Variants in NOD2 observed in about 807,000 individuals in gnomAD.
The protein encoded by NOD2 is nucleotide binding oligomerization domain containing 2, also known as nucleotide-binding oligomerization domain-containing protein 2.
In NOD2, 86 loss-of-function variants were observed where a neutral mutation model predicts 90.9. That is an observed-to-expected ratio of 0.95 (90% CI 0.79 to 1.13). NOD2 has a LOEUF of 1.13. Among genes scored for constraint, NOD2 ranks in the 50% most tolerant of loss-of-function variants. The pLI is 0.00. For synonymous variants in NOD2, 581 were observed against 554.6 expected (o/e 1.05, Z -0.67); for missense variants, 1,238 against 1,283.8 (o/e 0.96, Z 0.55).
At chr16:50,702,792 G>A (rs763667596) in intron 2 of NOD2, among the ~76,000 whole-genome samples, 1 of 152,172 alleles carries the variant, frequency 6.6e-6, no homozygotes, top group Admixed American at 6.5e-5. Flanking sequence ...TGCCCAAATC[G>A]CCCATCTGGG....
intron 4 of NOD2, among the ~76,000 whole-genome samples, chr16:50,715,207 G>C (rs1964728996): frequency 6.6e-6 from 1 of 152,206 alleles, no homozygotes; most frequent in Admixed American, 6.5e-5. Context: ...CACTTCGCTT[G>C]TCTGTGCCTC....
At chr16:50,707,778 T>C in intron 2 of NOD2, 77 bp from the exon 3 acceptor site, 1 of 956,294 alleles carries the variant, frequency 1.0e-6, no homozygotes. Flanking sequence ...GCTTATGAAG[T>C]TGCAGTAATC....
In NOD2 at chr16:50,712,422, G is replaced by A. The variant is rs773046377; in HGVS notation, c.2381+49G>A. The A allele has an allele frequency of 2.9e-5, 47 of 1,607,836 alleles. No individual in the cohort carries two copies. In the Admixed American group the frequency reaches 3.5e-4, roughly 12 times the overall value. The stretch of plus-strand genomic sequence containing the variant: ...TTCAGGTATGGGGGAGCACCATCAA[G>A]GCTAAGTGTGGGAGCACCGAGCTGG... On this transcript the variant is annotated intron_variant, in intron 4 of 11. Coordinates refer to ENST00000647318, the MANE Select transcript of NOD2 (RefSeq NM_001370466.1).
chr16:50,725,414 A>T, intron 9 of NOD2, 75 bp from the exon 10 acceptor site: 1 of 1,128,296 alleles, frequency 8.9e-7, no homozygotes, highest in Non-Finnish European at 1.4e-6. Flanking sequence ...GATTTCCTAT[A>T]TGGGGGGCAT....
chr16:50,718,189 G>A (rs529349765), intron 6 of NOD2, among the ~76,000 whole-genome samples: 6 of 152,350 alleles, frequency 3.9e-5, no homozygotes, highest in Admixed American at 6.5e-5. Context: ...GAGGAAGTGA[G>A]GTGGATGACG....
chr16:50,721,094 C>T (rs754061783), intron 7 of NOD2, among the ~76,000 whole-genome samples: 2 of 150,514 alleles, frequency 1.3e-5, no homozygotes, highest in African/African-American at 2.5e-5. Flanking sequence ...TGTGAGCCAC[C>T]GCACCCGGCC....
At chr16:50,694,417 A>G (rs2150771652) in intron 1 of NOD2, among the ~76,000 whole-genome samples, 1 of 152,260 alleles carries the variant, frequency 6.6e-6, no homozygotes, top group East Asian at 1.9e-4. Flanking sequence ...CACCACCTGT[A>G]CTTGCCTGTC....
intron 6 of NOD2, among the ~76,000 whole-genome samples, chr16:50,719,515 A>C (rs1382811933): frequency 6.6e-6 from 1 of 151,916 alleles, no homozygotes; most frequent in Admixed American, 6.6e-5. Flanking sequence ...GCTCTTGTGC[A>C]ACAGGTAAAG....
At position 50,699,662 on chromosome 16, in the gene NOD2, A is replaced by G; in HGVS notation, c.167A>G (p.His56Arg). The change falls in exon 2 of 12, where the codon CAC becomes CGC. Residue 56 changes from histidine (H) to arginine (R), a missense_variant. Transcript: ENST00000647318. ...GFHLLGQPLS[H>R]LARRLLDTVW... Reference sequence around the variant, plus strand: ...CACCTCCTGGGCCAGCCTCTCTCCCACTTGGCCAGGCGCCTTCTGGACACC... The same window carrying G: ...CACCTCCTGGGCCAGCCTCTCTCCCGCTTGGCCAGGCGCCTTCTGGACACC... 6.2e-7 allele frequency: 1 copy of G among 1,614,096 alleles called. No homozygotes were observed. Among genetic ancestry groups the G allele is most frequent in the Non-Finnish European group, 8.5e-7 (1 of 1,180,012 alleles).
At position 50,732,071 on chromosome 16, in the gene NOD2, T is replaced by C. The variant is rs1177074127; in HGVS notation, c.*252T>C. On this transcript the variant is annotated 3_prime_UTR_variant, in exon 12 of 12. Coordinates refer to ENST00000647318, the MANE Select transcript of NOD2 (RefSeq NM_001370466.1). The stretch of plus-strand genomic sequence containing the variant: ...CTTCCCAAGATTCAATCCCAGGATG[T>C]ACAAGGACAGCCCCTCCTCCATAGT... 1.9e-6 allele frequency: 1 copy of C among 514,880 alleles called. No homozygotes were observed. Among genetic ancestry groups the C allele is most frequent in the Non-Finnish European group, 3.6e-6 (1 of 279,846 alleles). The allele number at this position is 514,880 out of a possible 1,614,324, so 31.9% of individuals were successfully genotyped here.
At chr16:50,720,150 C>T (rs551468467) in intron 7 of NOD2, 142 bp downstream of exon 7, 51 of 695,556 alleles carry the variant, frequency 7.3e-5, no homozygotes, top group African/African-American at 2.7e-4. Context: ...AGAGAGTGGG[C>T]GGCCCTTGAC....
chr16:50,714,602 CTGTGTGTGTGTGTGTG>C (rs67559630), intron 4 of NOD2, among the ~76,000 whole-genome samples: 4 of 136,014 alleles, frequency 2.9e-5, no homozygotes, highest in East Asian at 2.2e-4. Flanking sequence ...TGTGAGTGCA[CTGTGTGTGTGTGTGTG>C]TGTGTGTGTG....
intron 9 of NOD2, 22 bp downstream of exon 9, chr16:50,723,406 C>T: frequency 6.2e-7 from 1 of 1,607,030 alleles, no homozygotes; most frequent in Non-Finnish European, 8.5e-7. Flanking sequence ...GGATTCTCTG[C>T]TCTGGGGAAG....
At chr16:50,693,696 G>A (rs1453645417) in intron 1 of NOD2, 34 bp downstream of exon 1, 1 of 152,378 alleles carries the variant, frequency 6.6e-6, no homozygotes, top group Non-Finnish European at 1.5e-5. Flanking sequence ...GGGGTGGGCT[G>A]GGGGGAGACT....
In NOD2 at chr16:50,732,995, T is replaced by C. The variant is rs1392573092; in HGVS notation, c.*1176T>C. ...TATAGGTCACTTTGTTTTACTGTCT[T>C]AAGTTTATACTCTTATAGACAACAT... On this transcript the variant is annotated 3_prime_UTR_variant, in exon 12 of 12. Coordinates refer to ENST00000647318, the MANE Select transcript of NOD2 (RefSeq NM_001370466.1). 4 of 152,392 alleles carry C rather than the reference T, an allele frequency of 2.6e-5. No individual in the cohort carries two copies. The highest frequency in any genetic ancestry group is 7.2e-5 in the African/African-American group (3 of 41,472). 9.4% of individuals were successfully genotyped at this position (152,392 alleles called of 1,614,324 possible). A position where few individuals can be genotyped will look rare whatever the true frequency, so the allele number is the denominator to read the frequency against.
Position 50,713,400 on chromosome 16 carries a change from T to G in NOD2, c.2381+1027T>G, listed in dbSNP as rs569853828. On this transcript the variant is annotated intron_variant, in intron 4 of 11. Coordinates refer to ENST00000647318, the MANE Select transcript of NOD2 (RefSeq NM_001370466.1). ...TATTTTTCATCATGGACCAAACACATGGATACCCACTAGAAACTGTGTAGT... is the reference window on the plus strand; with the variant it reads ...TATTTTTCATCATGGACCAAACACAGGGATACCCACTAGAAACTGTGTAGT... 3.3e-5 allele frequency: 5 copies of G among 152,266 alleles called. No individual in the cohort carries two copies. The East Asian group carries it at 9.6e-4, about 29-fold the overall frequency. The allele number at this position is 152,266 out of a possible 1,614,324, so 9.4% of individuals were successfully genotyped here.
chr16:50,703,188 T>C (rs1964016982), intron 2 of NOD2, among the ~76,000 whole-genome samples: 2 of 152,258 alleles, frequency 1.3e-5, no homozygotes, highest in African/African-American at 4.8e-5. Flanking sequence ...CTTCTTTAAC[T>C]GCAACTGCTA....
chr16:50,716,822 C>A, intron 5 of NOD2, 69 bp from the exon 6 acceptor site: 1 of 1,541,210 alleles, frequency 6.5e-7, no homozygotes, highest in Non-Finnish European at 9.0e-7. Context: ...GGAAGGGCAA[C>A]CCTGGGATTT....
rs774016655 is a variant in NOD2, at chr16:50,710,930, C to G, written c.938C>G (p.Ala313Gly). ...AGCTGCCGGCAGCTGCAGTGCATGG[C>G]CAAACCACTCTCTGTGCGGACTCTA... ...PFSCRQLQCMAKPLSVRTLLF... is the reference protein window; with the variant it reads ...PFSCRQLQCMGKPLSVRTLLF... The change falls in exon 4 of 12, where the codon GCC (alanine) becomes GGC (glycine). Residue 313 changes from alanine to glycine, a missense_variant. Ala to Gly is a moderately conservative substitution (Grantham distance 60, BLOSUM62 0). Coordinates refer to ENST00000647318, the MANE Select transcript of NOD2 (RefSeq NM_001370466.1). 1.2e-6 allele frequency: 2 copies of G among 1,614,166 alleles called. No homozygotes were observed. The highest frequency in any genetic ancestry group is 3.3e-5 in the Admixed American group (2 of 60,032).
Sources: gnomAD v4.1 joint callset for allele counts (sites outside exome capture counted in the v4.1 genomes callset) on GRCh38, gnomAD v4.1.1 for gene constraint, MANE v1.5 for transcripts, NCBI Gene and HGNC (gene_info 2026-07-23, HGNC 2026-07-21) for gene names.